The following AUTS2 variants were observed in gnomAD, a reference collection of about 807,000 sequenced individuals.
AUTS2 encodes the protein autism susceptibility gene 2 protein.
AUTS2 carries 17 observed loss-of-function variants against 112.4 expected under a neutral mutation model. The ratio of observed to expected loss-of-function variants is 0.15; its 90% CI spans 0.10 to 0.23. The LOEUF is 0.23. Among genes scored for constraint, AUTS2 ranks in the 10% least tolerant of loss-of-function variants. AUTS2 has a pLI of 1.00. For synonymous variants in AUTS2, 751 were observed against 702.7 expected, an observed-to-expected ratio of 1.07 and a Z score of -1.09; for missense variants, 1,510 against 1,701.6, an observed-to-expected ratio of 0.89 and a Z score of 1.98.
At chr7:69,950,590 A>G (rs560474422) in intron 2 of AUTS2, among the ~76,000 whole-genome samples, 2 of 152,240 alleles carry the variant, frequency 1.3e-5, no homozygotes, top group East Asian at 3.9e-4. Context: ...TAAAACTTTT[A>G]TTCTAATTTC....
In AUTS2 at chr7:69,733,673, G is replaced by A. The variant is rs775575456; in HGVS notation, c.309+133711G>A. On this transcript the variant is annotated intron_variant, in intron 1 of 18. Transcript: ENST00000342771. ...TACTACATTGTATAAACAGTATGTA[G>A]TGTTAAGGATGTGCCTCGCATGTAA... Among the ~76,000 whole-genome samples, 8 of 152,236 alleles carry A rather than the reference G, an allele frequency of 5.3e-5. No individual in the cohort carries two copies. The South Asian group carries it at 1.7e-3, about 32-fold the overall frequency.
intron 1 of AUTS2, among the ~76,000 whole-genome samples, chr7:69,659,770 G>A (rs1312682722): frequency 1.3e-5 from 2 of 151,844 alleles, no homozygotes; most frequent in Non-Finnish European, 1.5e-5. Context: ...AGATTTCATC[G>A]TTTGGTGCAT....
chr7:69,616,823 A>T (rs1476183182), intron 1 of AUTS2, among the ~76,000 whole-genome samples: 1 of 151,778 alleles, frequency 6.6e-6, no homozygotes, highest in Non-Finnish European at 1.5e-5. Context: ...TTAAATCAGA[A>T]CTCCACCTTT....
intron 5 of AUTS2, among the ~76,000 whole-genome samples, chr7:70,487,459 G>A (rs941636493): frequency 2.0e-4 from 31 of 152,136 alleles, no homozygotes; most frequent in Non-Finnish European, 3.4e-4. Flanking sequence ...ACCCACTAGC[G>A]GCCTCCATCT....
At chr7:70,342,244 C>G (rs1314955031) in intron 4 of AUTS2, among the ~76,000 whole-genome samples, 1 of 152,054 alleles carries the variant, frequency 6.6e-6, no homozygotes, top group Non-Finnish European at 1.5e-5. Flanking sequence ...TAAGCCAACT[C>G]TGGGCATCTC....
At chr7:70,405,513 T>C (rs1181202819) in intron 4 of AUTS2, among the ~76,000 whole-genome samples, 3 of 152,212 alleles carry the variant, frequency 2.0e-5, no homozygotes, top group Non-Finnish European at 4.4e-5. Flanking sequence ...CTCTCAGAAC[T>C]CCCAAGTGTT....
chr7:70,378,102 T>C (rs1467484270), intron 4 of AUTS2, among the ~76,000 whole-genome samples: 2 of 152,168 alleles, frequency 1.3e-5, no homozygotes, highest in East Asian at 1.9e-4. Flanking sequence ...AGTTCATCCA[T>C]GTTGGCAGCA....
At chr7:70,163,514 C>G (rs1259528355) in intron 4 of AUTS2, among the ~76,000 whole-genome samples, 4 of 152,074 alleles carry the variant, frequency 2.6e-5, no homozygotes, top group Non-Finnish European at 4.4e-5. Flanking sequence ...GGGAGAGAGG[C>G]AAGAAACCTG....
chr7:70,641,914 C>A (rs1805852382), intron 5 of AUTS2, among the ~76,000 whole-genome samples: 1 of 152,210 alleles, frequency 6.6e-6, no homozygotes, highest in Admixed American at 6.5e-5. Flanking sequence ...ACCGAATATT[C>A]TATAGTGCAC....
intron 4 of AUTS2, among the ~76,000 whole-genome samples, chr7:70,295,358 C>A (rs776053109): frequency 6.6e-6 from 1 of 152,150 alleles, no homozygotes; most frequent in Non-Finnish European, 1.5e-5. Flanking sequence ...CCACTGGAGG[C>A]CACAATCTTT....
At chr7:70,774,217 G>A in intron 12 of AUTS2, 118 bp downstream of exon 12, 2 of 911,974 alleles carry the variant, frequency 2.2e-6, no homozygotes, top group South Asian at 1.5e-5. Context: ...TGTTTCAGCT[G>A]TTCTTCTAGT....
intron 4 of AUTS2, among the ~76,000 whole-genome samples, chr7:70,368,738 A>G (rs1174543856): frequency 2.0e-5 from 3 of 152,172 alleles, no homozygotes; most frequent in Non-Finnish European, 4.4e-5. Context: ...AGCACAGGAA[A>G]TATTTGGTGA....
Position 70,615,904 on chromosome 7 carries a change from C to T in AUTS2, c.691-82665C>T, listed in dbSNP as rs145326205. On this transcript the variant is annotated intron_variant, in intron 5 of 18. Transcript: ENST00000342771. ...AGATTACAGGTGCTGGCCACCTTGC[C>T]GAGCTCATTTTTATATTTTTCAGAG... Among the ~76,000 whole-genome samples, 8 of 152,134 alleles carry T rather than the reference C, an allele frequency of 5.3e-5. No homozygotes were observed. The East Asian group carries it at 1.2e-3, about 22-fold the overall frequency.
intron 4 of AUTS2, among the ~76,000 whole-genome samples, chr7:70,425,309 A>G (rs572392532): frequency 6.6e-6 from 1 of 152,172 alleles, no homozygotes; most frequent in Non-Finnish European, 1.5e-5. Context: ...ATGAAAAAAC[A>G]CCTCTGTTCA....
chr7:69,975,814 A>G lies in AUTS2; in HGVS notation c.522+76316A>G, dbSNP rs1360057541. Among the ~76,000 whole-genome samples the G allele has an allele frequency of 2.0e-5, 3 of 151,600 alleles. No homozygotes were observed. The South Asian group carries it at 6.3e-4, about 32-fold the overall frequency. On this transcript the variant is annotated intron_variant, in intron 2 of 18. Transcript: ENST00000342771. ...GCAATTCTCGGGTCTCAGCCTCCCA[A>G]GTAGCTGGGATTACATGCGTGCGCT...
chr7:69,782,270 G>A (rs1789173513), intron 1 of AUTS2, among the ~76,000 whole-genome samples: 1 of 152,056 alleles, frequency 6.6e-6, no homozygotes, highest in Non-Finnish European at 1.5e-5. Context: ...GGCTGAGGTG[G>A]CAGGATCACT....
At chr7:69,846,848 C>T (rs561835344) in intron 1 of AUTS2, among the ~76,000 whole-genome samples, 6 of 152,350 alleles carry the variant, frequency 3.9e-5, no homozygotes, top group Non-Finnish European at 7.3e-5. Context: ...GCTGGGATTA[C>T]AGGCATGAGC....
At chr7:69,654,073 T>C (rs1795405442) in intron 1 of AUTS2, among the ~76,000 whole-genome samples, 1 of 152,258 alleles carries the variant, frequency 6.6e-6, no homozygotes, top group Admixed American at 6.5e-5. Flanking sequence ...GGGATGTTGG[T>C]CTGGCGACCT....
chr7:69,643,463 A>G (rs968577903), intron 1 of AUTS2: 1 of 151,736 alleles, frequency 6.6e-6, no homozygotes, highest in Non-Finnish European at 1.5e-5. Flanking sequence ...GTGAATAAGT[A>G]TCTCACTTCA....
Sources: gnomAD v4.1 joint callset for allele counts (sites outside exome capture counted in the v4.1 genomes callset) on GRCh38, gnomAD v4.1.1 for gene constraint, MANE v1.5 for transcripts, NCBI Gene and HGNC (gene_info 2026-07-23, HGNC 2026-07-21) for gene names.